SEC24A: variants seen among roughly 807,000 people sequenced by gnomAD.
SEC24A encodes protein transport protein Sec24A.
In SEC24A, 93 loss-of-function variants were observed where a neutral mutation model predicts 129.4. The observed-to-expected ratio is 0.72, with a 90% CI of 0.61 to 0.85. The LOEUF is 0.85. SEC24A is among the 40% of genes least tolerant of loss of function. SEC24A has a pLI of 0.00. For synonymous variants in SEC24A, 460 were observed against 467.3 expected (o/e 0.98, Z 0.20); for missense variants, 1,264 against 1,307.4 (o/e 0.97, Z 0.51).
chr5:134,675,347 C>T, intron 6 of SEC24A, 130 bp downstream of exon 6: 2 of 663,300 alleles, frequency 3.0e-6, no homozygotes, highest in South Asian at 3.0e-5. Flanking sequence ...GATGATAGAA[C>T]TCTTTTACTT....
rs200356034 is a variant in SEC24A, at chr5:134,693,045, C to T, written c.1779+388C>T. 2.5e-3 allele frequency: 3,816 copies of T among 1,535,800 alleles called. 3 individuals carry two copies. The highest frequency in any genetic ancestry group is 3.1e-3 in the Non-Finnish European group (3,581 of 1,146,718). On this transcript the variant is annotated intron_variant, in intron 12 of 22. Coordinates refer to ENST00000398844, the MANE Select transcript of SEC24A (RefSeq NM_021982.3). ...CTGATTCACAGAGTGTCATTGGGGT[C>T]AGTTCAGAAGAAACTCTTATTACCT...
chr5:134,654,414 G>A (rs991032679), intron 1 of SEC24A, among the ~76,000 whole-genome samples: 5 of 151,960 alleles, frequency 3.3e-5, no homozygotes, highest in African/African-American at 1.2e-4. Flanking sequence ...TAGAGACGGG[G>A]TTTCACCATG....
intron 1 of SEC24A, among the ~76,000 whole-genome samples, chr5:134,659,229 G>A (rs926111047): frequency 2.0e-5 from 3 of 151,538 alleles, no homozygotes; most frequent in Non-Finnish European, 2.9e-5. Context: ...CCGCCACCAC[G>A]CTCCACTAAT....
intron 14 of SEC24A, among the ~76,000 whole-genome samples, chr5:134,697,625 G>A (rs145411299): frequency 3.9e-5 from 6 of 152,182 alleles, no homozygotes; most frequent in East Asian, 3.9e-4. Context: ...ACATGGTGGC[G>A]CACACCTGTG....
intron 9 of SEC24A, among the ~76,000 whole-genome samples, chr5:134,685,945 C>T (rs1751435527): frequency 6.6e-6 from 1 of 152,022 alleles, no homozygotes; most frequent in East Asian, 1.9e-4. Flanking sequence ...GCTGAGATCA[C>T]ACCACTGCTC....
Position 134,648,982 on chromosome 5 carries a change from C to A in SEC24A, c.-95C>A. The A allele has an allele frequency of 2.3e-6, 2 of 864,212 alleles. No individual in the cohort carries two copies. The highest frequency in any genetic ancestry group is 3.7e-6 in the Non-Finnish European group (2 of 542,028). 53.5% of individuals were successfully genotyped at this position (864,212 alleles called of 1,614,324 possible). ...CTTCTCCCAGTCTTCAGTCTTAAGT[C>A]GTTAGCCTCCTCCCTCCGCTTTCAG... On this transcript the variant is annotated 5_prime_UTR_variant, in exon 1 of 23. Transcript: ENST00000398844.
chr5:134,716,949 G>T (rs897170531), intron 19 of SEC24A, among the ~76,000 whole-genome samples: 1 of 147,874 alleles, frequency 6.8e-6, no homozygotes, highest in Non-Finnish European at 1.5e-5. Flanking sequence ...GACTGATCTC[G>T]GCTCACCGCA....
At position 134,705,423 on chromosome 5, in the gene SEC24A, T is replaced by C; in HGVS notation, c.2537T>C (p.Leu846Ser). ...GCTGATGTTCAAGCAATTTCAGGGT[T>C]ATTGGCCAATATGGGTAAGAGTTGT... ...LGADVQAISGLLANMAVDRSM... is the reference protein window; with the variant it reads ...LGADVQAISGSLANMAVDRSM... Residue 846 changes from leucine (L) to serine (S), a missense_variant, in exon 17 of 23, where the codon TTA (leucine) becomes TCA (serine). Leu to Ser is a moderately radical substitution (Grantham distance 145). Transcript: ENST00000398844. The C allele has an allele frequency of 6.2e-7, 1 of 1,603,102 alleles. No homozygotes were observed. Among genetic ancestry groups the C allele is most frequent in the Non-Finnish European group, 8.5e-7 (1 of 1,170,586 alleles).
intron 1 of SEC24A, among the ~76,000 whole-genome samples, chr5:134,657,182 GCACACACACA>G (rs70976550): frequency 8.1e-5 from 11 of 136,210 alleles, no homozygotes; most frequent in African/African-American, 2.4e-4. Flanking sequence ...TCTGAAAAAC[GCACACACACA>G]CACACACACA....
intron 17 of SEC24A, among the ~76,000 whole-genome samples, chr5:134,707,096 C>A (rs1752187170): frequency 6.6e-6 from 1 of 152,144 alleles, no homozygotes; most frequent in South Asian, 2.1e-4. Context: ...TTTGGCCTAC[C>A]AAACTGTTGA....
intron 16 of SEC24A, among the ~76,000 whole-genome samples, chr5:134,704,554 A>G (rs764872192): frequency 6.6e-6 from 1 of 152,170 alleles, no homozygotes; most frequent in African/African-American, 2.4e-5. Flanking sequence ...TAAACCTAGC[A>G]CTTTGGAAGG....
chr5:134,673,342 C>T (rs555745068), intron 4 of SEC24A, among the ~76,000 whole-genome samples: 81 of 152,190 alleles, frequency 5.3e-4, no homozygotes, highest in South Asian at 1.9e-3. Context: ...GTATGAGCCA[C>T]CTCGCCCTGC....
intron 1 of SEC24A, among the ~76,000 whole-genome samples, chr5:134,656,114 G>T (rs2150068321): frequency 7.3e-6 from 1 of 137,246 alleles, no homozygotes; most frequent in South Asian, 2.2e-4. Flanking sequence ...ACAGAGTCTT[G>T]CTCTGTTGCC....
At position 134,673,226 on chromosome 5, in the gene SEC24A, TTG is replaced by T. The variant is rs552954606; in HGVS notation, c.817+1342_817+1343del. On this transcript the variant is annotated intron_variant, in intron 4 of 22. Coordinates refer to ENST00000398844, the MANE Select transcript of SEC24A (RefSeq NM_021982.3). ...ACGTGCCACCACGCCCAGTTAATTTTTGTATTTTTAGTAGAGATAGGGTTTAA... is the reference window on the plus strand; with the variant it reads ...ACGTGCCACCACGCCCAGTTAATTTTTATTTTTAGTAGAGATAGGGTTTAA... 6.6e-5 allele frequency among the ~76,000 whole-genome samples: 10 copies of T among 151,856 alleles called. No individual in the cohort carries two copies. In the East Asian group the frequency reaches 1.8e-3, roughly 27 times the overall value.
At position 134,666,892 on chromosome 5, in the gene SEC24A, C is replaced by G. The variant is rs760638226; in HGVS notation, c.635C>G (p.Pro212Arg). 6.2e-7 allele frequency: 1 copy of G among 1,612,594 alleles called. No individual in the cohort carries two copies. The highest frequency in any genetic ancestry group is 8.5e-7 in the Non-Finnish European group (1 of 1,178,752). ...TTFQPGAPHGPPPAGGPPPVR... is the reference protein window; with the variant it reads ...TTFQPGAPHGRPPAGGPPPVR... The stretch of plus-strand genomic sequence containing the variant: ...TTTCAACCAGGAGCTCCTCATGGGC[C>G]CCCTCCAGCTGGAGGCCCACCCCCA... The change falls in exon 3 of 23, where the codon CCC (proline) becomes CGC (arginine). Residue 212 changes from proline (P) to arginine (R), a missense_variant. Physicochemically the swap from Pro to Arg is moderately radical, Grantham distance 103 (BLOSUM62 -2). Coordinates refer to ENST00000398844, the MANE Select transcript of SEC24A (RefSeq NM_021982.3).
In SEC24A at chr5:134,657,010, C is replaced by A. The variant is rs529272863; in HGVS notation, c.98-4109C>A. Among the ~76,000 whole-genome samples the A allele has an allele frequency of 4.2e-4, 64 of 151,530 alleles. 1 individual carries two copies. The South Asian group carries it at 9.0e-3, about 21-fold the overall frequency. ...GACCAGCCTGGACAACTTAGGGAGACCCCATCTCTACAAAAAAATTTAAAA... is the reference window on the plus strand; with the variant it reads ...GACCAGCCTGGACAACTTAGGGAGAACCCATCTCTACAAAAAAATTTAAAA... On this transcript the variant is annotated intron_variant, in intron 1 of 22. Coordinates refer to ENST00000398844, the MANE Select transcript of SEC24A (RefSeq NM_021982.3).
intron 1 of SEC24A, among the ~76,000 whole-genome samples, chr5:134,651,121 A>G (rs1348368352): frequency 7.3e-6 from 1 of 136,188 alleles, no homozygotes; most frequent in Non-Finnish European, 1.6e-5. Flanking sequence ...TTGAGACAGG[A>G]TCTTACTTAA....
intron 20 of SEC24A, among the ~76,000 whole-genome samples, chr5:134,720,261 T>C (rs148966906): frequency 1.3e-5 from 2 of 152,344 alleles, no homozygotes; most frequent in African/African-American, 4.8e-5. Context: ...ACCTTTCCTA[T>C]GTTTAGATAC....
chr5:134,686,752 C>T (rs1252179238), intron 9 of SEC24A, 38 bp from the exon 10 acceptor site: 4 of 1,232,814 alleles, frequency 3.2e-6, no homozygotes, highest in Non-Finnish European at 4.7e-6. Flanking sequence ...TAAACTTAAT[C>T]CTGTTAAATG....
Sources: allele counts gnomAD v4.1 joint callset (sites outside exome capture counted in the v4.1 genomes callset), GRCh38; gene constraint gnomAD v4.1.1; transcripts MANE v1.5; gene names NCBI Gene and HGNC (gene_info 2026-07-23, HGNC 2026-07-21).